Variants in VPS13B observed in about 807,000 individuals in gnomAD.
VPS13B encodes the protein intermembrane lipid transfer protein VPS13B.
In VPS13B, 285 loss-of-function variants were observed where a neutral mutation model predicts 426.4. The ratio of observed to expected loss-of-function variants is 0.67; its 90% CI spans 0.61 to 0.74. The LOEUF (loss-of-function observed/expected upper bound fraction) is 0.74. Among genes scored for constraint, VPS13B ranks in the 30% least tolerant of loss-of-function variants. The pLI, the probability that VPS13B is intolerant of heterozygous loss-of-function variation, is 0.00. For synonymous variants in VPS13B, 1,676 were observed against 1,676.4 expected (o/e 1.00, Z 0.01); for missense variants, 4,537 against 4,782.6 (o/e 0.95, Z 1.51).
At chr8:99,337,771 A>T (rs550271114) in intron 19 of VPS13B, among the ~76,000 whole-genome samples, 2 of 152,126 alleles carry the variant, frequency 1.3e-5, no homozygotes, top group South Asian at 2.1e-4. Context: ...TTTTATGATT[A>T]GTGCTTTTTT....
intron 34 of VPS13B, among the ~76,000 whole-genome samples, chr8:99,643,481 C>A (rs1829452002): frequency 6.6e-6 from 1 of 152,104 alleles, no homozygotes; most frequent in Non-Finnish European, 1.5e-5. Context: ...CAGGATTCAG[C>A]CTGAGGAAAT....
At chr8:99,057,606 T>C (rs1486419991) in intron 3 of VPS13B, among the ~76,000 whole-genome samples, 1 of 152,204 alleles carries the variant, frequency 6.6e-6, no homozygotes, top group Non-Finnish European at 1.5e-5. Flanking sequence ...CACAAAATGC[T>C]ATTTTAGGGG....
intron 21 of VPS13B, among the ~76,000 whole-genome samples, chr8:99,409,363 G>A (rs1336132204): frequency 6.6e-6 from 1 of 152,054 alleles, no homozygotes; most frequent in East Asian, 1.9e-4. Context: ...AATTAGTACT[G>A]GGGTTTCTAA....
At chr8:99,561,241 A>G (rs1451490320) in intron 31 of VPS13B, among the ~76,000 whole-genome samples, 1 of 152,180 alleles carries the variant, frequency 6.6e-6, no homozygotes, top group Non-Finnish European at 1.5e-5. Context: ...TAAATTCACC[A>G]ATCTGGATTT....
intron 17 of VPS13B, among the ~76,000 whole-genome samples, chr8:99,248,784 T>C (rs887157568): frequency 6.6e-6 from 1 of 152,206 alleles, no homozygotes; most frequent in Middle Eastern, 3.2e-3. Context: ...TTTCTAAATC[T>C]GTCATTGATT....
At chr8:99,607,494 C>T (rs1827647633) in intron 33 of VPS13B, among the ~76,000 whole-genome samples, 1 of 152,170 alleles carries the variant, frequency 6.6e-6, no homozygotes, top group Admixed American at 6.5e-5. Context: ...ACTCCCATTA[C>T]CCTATGATTC....
chr8:99,063,755 C>T (rs1032645886), intron 3 of VPS13B, among the ~76,000 whole-genome samples: 4 of 152,188 alleles, frequency 2.6e-5, no homozygotes, highest in Non-Finnish European at 4.4e-5. Context: ...AGAGAACAGA[C>T]AGACTGCCTC....
chr8:99,497,179 A>C (rs189103626), intron 25 of VPS13B, among the ~76,000 whole-genome samples: 23 of 139,372 alleles, frequency 1.7e-4, no homozygotes, highest in African/African-American at 2.4e-4. Flanking sequence ...TTATATATTT[A>C]ATATATAAAT....
intron 3 of VPS13B, among the ~76,000 whole-genome samples, chr8:99,076,371 T>A (rs997022928): frequency 7.9e-5 from 12 of 152,230 alleles, no homozygotes; most frequent in Non-Finnish European, 1.5e-4. Flanking sequence ...CTGTTAAGTC[T>A]GTTTGGCTTA....
intron 8 of VPS13B, chr8:99,121,718 A>C: frequency 2.9e-6 from 2 of 701,088 alleles, no homozygotes; most frequent in Non-Finnish European, 4.0e-6. Context: ...TTGGTGTACA[A>C]ACATGCCTTA....
chr8:99,360,103 G>GT (rs71273178), intron 19 of VPS13B, among the ~76,000 whole-genome samples: 85,281 of 113,942 alleles, frequency 0.75, 33,470 homozygotes, highest in South Asian at 0.87. Context: ...TGCCCAACCT[G>GT]TTTTTTTTTT....
intron 19 of VPS13B, among the ~76,000 whole-genome samples, chr8:99,358,391 A>G (rs973298712): frequency 2.0e-5 from 3 of 152,160 alleles, no homozygotes; most frequent in Non-Finnish European, 4.4e-5. Context: ...AGGAGTCTTG[A>G]TTTGTGCTTA....
rs548726280 is a variant in VPS13B at position 99,181,841 on chromosome 8, T to C, written c.2334-11035T>C. On this transcript the variant is annotated intron_variant, in intron 16 of 61. Transcript: ENST00000357162. ...AAATTTATAAACTTCTATAAAGCAG[T>C]TAAGAAAATAAACTGAGGAACAGAC... 2.0e-5 allele frequency among the ~76,000 whole-genome samples: 3 copies of C among 152,028 alleles called. No homozygotes were observed. In the East Asian group the frequency reaches 5.8e-4, roughly 29 times the overall value.
intron 39 of VPS13B, 105 bp downstream of exon 39, chr8:99,721,152 CAGAG>C: frequency 8.4e-7 from 1 of 1,186,030 alleles, no homozygotes; most frequent in Non-Finnish European, 1.2e-6. Flanking sequence ...TTAATAGTAT[CAGAG>C]AGAAATACAC....
At chr8:99,637,148 T>A (rs897054948) in intron 33 of VPS13B, among the ~76,000 whole-genome samples, 1 of 152,048 alleles carries the variant, frequency 6.6e-6, no homozygotes. Context: ...TATTGTGAAC[T>A]CTTCGTTTTC....
At chr8:99,751,325 T>C (rs1563899211) in intron 39 of VPS13B, among the ~76,000 whole-genome samples, 1 of 152,168 alleles carries the variant, frequency 6.6e-6, no homozygotes. Flanking sequence ...TACAGACTTA[T>C]TATATGAGAA....
intron 19 of VPS13B, among the ~76,000 whole-genome samples, chr8:99,341,960 ATAATTCT>A (rs1312461790): frequency 6.6e-6 from 1 of 152,204 alleles, no homozygotes; most frequent in Non-Finnish European, 1.5e-5. Context: ...TTTGAGTTCT[ATAATTCT>A]TAATTCAGGC....
chr8:99,404,245 G>T (rs1815208863), intron 21 of VPS13B, among the ~76,000 whole-genome samples: 1 of 152,166 alleles, frequency 6.6e-6, no homozygotes, highest in Admixed American at 6.5e-5. Context: ...AGAGTTCTTT[G>T]GAAATAAGTG....
At chr8:99,200,556 C>A (rs1297458275) in intron 17 of VPS13B, among the ~76,000 whole-genome samples, 1 of 152,118 alleles carries the variant, frequency 6.6e-6, no homozygotes, top group Admixed American at 6.5e-5. Flanking sequence ...TCCACATCCT[C>A]CTCATATTGT....
Sources: gnomAD v4.1 joint callset for allele counts (sites outside exome capture counted in the v4.1 genomes callset) on GRCh38, gnomAD v4.1.1 for gene constraint, MANE v1.5 for transcripts, NCBI Gene and HGNC (gene_info 2026-07-23, HGNC 2026-07-21) for gene names.